Variants in IL1RAPL1 observed in about 807,000 individuals in gnomAD.
IL1RAPL1 encodes interleukin-1 receptor accessory protein-like 1.
IL1RAPL1 carries 3 observed loss-of-function variants against 48.4 expected under a neutral mutation model. That is an observed-to-expected ratio of 0.06 (90% CI 0.03 to 0.16). The LOEUF is 0.16. IL1RAPL1 is among the 10% of genes least tolerant of loss of function. The pLI, the probability that IL1RAPL1 is intolerant of heterozygous loss-of-function variation, is 1.00. For synonymous variants in IL1RAPL1, 185 were observed against 187.7 expected (o/e 0.99, Z 0.12); for missense variants, 349 against 530.6 (o/e 0.66, Z 3.36).
chrX:29,804,863 G>T (rs1451309335), intron 6 of IL1RAPL1, among the ~76,000 whole-genome samples: 2 of 111,821 alleles, frequency 1.8e-5, no homozygotes, highest in Non-Finnish European at 3.8e-5. Flanking sequence ...ATCAGTGGTG[G>T]TCTCACCGAG....
chrX:29,176,145 G>A (rs1930014875), intron 2 of IL1RAPL1, among the ~76,000 whole-genome samples: 1 of 97,412 alleles, frequency 1.0e-5, no homozygotes. Flanking sequence ...CCAGGCTGAA[G>A]TGCAGTGGTG....
At chrX:29,090,119 T>C (rs988278013) in intron 2 of IL1RAPL1, among the ~76,000 whole-genome samples, 13 of 109,529 alleles carry the variant, frequency 1.2e-4, no homozygotes, top group Admixed American at 4.9e-4. Flanking sequence ...TCAAGCTCTT[T>C]ATTTCTGTTT....
chrX:28,888,466 C>T (rs181379782), intron 2 of IL1RAPL1, among the ~76,000 whole-genome samples: 1 of 110,998 alleles, frequency 9.0e-6, no homozygotes, highest in Admixed American at 9.6e-5. Flanking sequence ...TGTCTGGTCT[C>T]GTTTTGATAT....
At chrX:29,825,819 T>TA (rs1389452393) in intron 6 of IL1RAPL1, among the ~76,000 whole-genome samples, 2 of 112,027 alleles carry the variant, frequency 1.8e-5, no homozygotes, top group Non-Finnish European at 3.8e-5. Flanking sequence ...CTTAAGATTT[T>TA]AAAAATCATT....
intron 5 of IL1RAPL1, among the ~76,000 whole-genome samples, chrX:29,552,803 T>C (rs535370133): frequency 1.8e-4 from 6 of 33,371 alleles, no homozygotes; most frequent in Non-Finnish European, 1.9e-4. Flanking sequence ...TTCACTCTCC[T>C]TTTTTTTTTT....
intron 2 of IL1RAPL1, among the ~76,000 whole-genome samples, chrX:29,248,948 T>G (rs1306915060): frequency 8.9e-6 from 1 of 111,844 alleles, no homozygotes; most frequent in Non-Finnish European, 1.9e-5. Context: ...GTCAAGAAAG[T>G]TATAGGTCAT....
At chrX:29,152,209 G>A (rs1569247197) in intron 2 of IL1RAPL1, among the ~76,000 whole-genome samples, 1 of 110,807 alleles carries the variant, frequency 9.0e-6, no homozygotes, top group Non-Finnish European at 1.9e-5. Context: ...ACCAACATGG[G>A]ATTAAACCCA....
chrX:29,341,599 T>C (rs1288389124), intron 3 of IL1RAPL1, among the ~76,000 whole-genome samples: 2 of 110,962 alleles, frequency 1.8e-5, no homozygotes, highest in Non-Finnish European at 3.8e-5. Flanking sequence ...AATAGTGTAG[T>C]TGGAGCAAAG....
At chrX:29,124,993 G>A (rs1367177531) in intron 2 of IL1RAPL1, among the ~76,000 whole-genome samples, 1 of 112,108 alleles carries the variant, frequency 8.9e-6, no homozygotes, top group African/African-American at 3.2e-5. Flanking sequence ...ACATAAACTA[G>A]CTATCAACAA....
intron 2 of IL1RAPL1, among the ~76,000 whole-genome samples, chrX:29,174,354 T>C (rs974047501): frequency 3.6e-5 from 4 of 112,545 alleles, no homozygotes; most frequent in African/African-American, 1.3e-4. Flanking sequence ...TACTAAATTG[T>C]TCTGGCTTGG....
intron 1 of IL1RAPL1, among the ~76,000 whole-genome samples, chrX:28,694,471 T>C (rs1449005550): frequency 8.9e-6 from 1 of 112,042 alleles, no homozygotes; most frequent in African/African-American, 3.2e-5. Flanking sequence ...TGAAGAAATA[T>C]GAAGATTTCA....
intron 5 of IL1RAPL1, among the ~76,000 whole-genome samples, chrX:29,517,103 T>C (rs981339804): frequency 8.1e-5 from 9 of 111,331 alleles, no homozygotes; most frequent in African/African-American, 2.9e-4. Context: ...AACGAAGCCC[T>C]TAATTTAATC....
At chrX:29,209,939 A>G (rs1930739009) in intron 2 of IL1RAPL1, among the ~76,000 whole-genome samples, 1 of 111,739 alleles carries the variant, frequency 8.9e-6, no homozygotes, top group Non-Finnish European at 1.9e-5. Context: ...TTGTTTCTCT[A>G]GCTGCAGTGA....
intron 5 of IL1RAPL1, among the ~76,000 whole-genome samples, chrX:29,505,280 T>C (rs910186003): frequency 8.9e-6 from 1 of 111,855 alleles, no homozygotes; most frequent in African/African-American, 3.2e-5. Flanking sequence ...ATGTATGGTT[T>C]ACACACCAAA....
intron 6 of IL1RAPL1, among the ~76,000 whole-genome samples, chrX:29,804,662 A>C (rs958320992): frequency 8.9e-6 from 1 of 112,097 alleles, no homozygotes; most frequent in African/African-American, 3.2e-5. Context: ...GAGTCCATTA[A>C]ACCTCTTTCC....
At position 29,801,019 on chromosome X, in the gene IL1RAPL1, A is replaced by C. The variant is rs1461195815; in HGVS notation, c.779-116445A>C. ...CCGTCTCAAAAAAAAAAAAAAAAAA[A>C]AAAAAAAAAAAAAAACTCTCCGTCT... On this transcript the variant is annotated intron_variant, in intron 6 of 10. Transcript: ENST00000378993. 9.9e-4 allele frequency among the ~76,000 whole-genome samples: 76 copies of C among 76,578 alleles called. 2 individuals carry two copies. The highest frequency in any genetic ancestry group is 2.6e-3 in the African/African-American group (53 of 20,310). The allele number at this position is 76,578 out of a possible 115,157, so 66.5% of individuals were successfully genotyped here.
intron 6 of IL1RAPL1, among the ~76,000 whole-genome samples, chrX:29,751,944 G>GA (rs1299996207): frequency 1.9e-5 from 2 of 104,185 alleles, no homozygotes; most frequent in Non-Finnish European, 3.9e-5. Flanking sequence ...AAAAAAACAT[G>GA]AAAAAATGTA....
At chrX:29,910,838 A>G (rs1932751449) in intron 6 of IL1RAPL1, among the ~76,000 whole-genome samples, 1 of 111,552 alleles carries the variant, frequency 9.0e-6, no homozygotes, top group Non-Finnish European at 1.9e-5. Context: ...CACTCTCACT[A>G]GGATGGCTAT....
intron 1 of IL1RAPL1, among the ~76,000 whole-genome samples, chrX:28,738,389 C>A (rs1440749913): frequency 9.0e-6 from 1 of 111,527 alleles, no homozygotes; most frequent in African/African-American, 3.3e-5. Flanking sequence ...AAGTCCCTGA[C>A]CTCATGTATC....
Sources: gnomAD v4.1 joint callset for allele counts (sites outside exome capture counted in the v4.1 genomes callset) on GRCh38, gnomAD v4.1.1 for gene constraint, MANE v1.5 for transcripts, NCBI Gene and HGNC (gene_info 2026-07-23, HGNC 2026-07-21) for gene names.